MAML2: variants seen among roughly 807,000 people sequenced by gnomAD.
The protein encoded by MAML2 is mastermind-like protein 2.
A neutral mutation model predicts 96.1 loss-of-function variants in MAML2; 22 were observed. The ratio of observed to expected loss-of-function variants is 0.23; its 90% CI spans 0.16 to 0.33. MAML2 has a LOEUF of 0.33. Among genes scored for constraint, MAML2 ranks in the 10% least tolerant of loss-of-function variants. MAML2 has a pLI of 1.00. For missense variants in MAML2, 1,367 were observed against 1,392.4 expected (o/e 0.98, Z 0.29); for synonymous variants, 561 against 521.3 (o/e 1.08, Z -1.04).
chr11:96,103,325 G>T (rs1158978887), intron 1 of MAML2, among the ~76,000 whole-genome samples: 4 of 152,136 alleles, frequency 2.6e-5, no homozygotes, highest in African/African-American at 9.7e-5. Flanking sequence ...AGTGGCCTGG[G>T]AACATCAGAT....
intron 1 of MAML2, among the ~76,000 whole-genome samples, chr11:96,262,287 G>C (rs1175141802): frequency 6.6e-6 from 1 of 151,980 alleles, no homozygotes; most frequent in Non-Finnish European, 1.5e-5. Context: ...GCTGATTTAA[G>C]GTCATTTATA....
chr11:96,159,293 T>C (rs1367880308), intron 1 of MAML2, among the ~76,000 whole-genome samples: 3 of 152,138 alleles, frequency 2.0e-5, no homozygotes, highest in African/African-American at 4.8e-5. Context: ...GTAAGTTCAA[T>C]GCCTTTAAAT....
At chr11:96,219,003 G>A (rs1259160086) in intron 1 of MAML2, among the ~76,000 whole-genome samples, 3 of 152,120 alleles carry the variant, frequency 2.0e-5, no homozygotes, top group Non-Finnish European at 4.4e-5. Flanking sequence ...ATTCCCAAAG[G>A]ACCATTCTTT....
chr11:96,099,204 T>A (rs1859882392), intron 1 of MAML2, among the ~76,000 whole-genome samples: 3 of 152,146 alleles, frequency 2.0e-5, no homozygotes, highest in Admixed American at 2.0e-4. Flanking sequence ...CATGGCTGAT[T>A]AGAGATAGGA....
chr11:96,337,145 CT>C (rs149019611), intron 1 of MAML2, among the ~76,000 whole-genome samples: 2 of 151,070 alleles, frequency 1.3e-5, no homozygotes, highest in East Asian at 1.9e-4. Flanking sequence ...AAGAATTCTC[CT>C]TTTTTTTTAC....
chr11:96,074,514 C>T (rs148552492), intron 2 of MAML2, among the ~76,000 whole-genome samples: 2,072 of 152,284 alleles, frequency 0.014, 26 homozygotes, highest in Non-Finnish European at 0.021. Flanking sequence ...AGATTCTATT[C>T]TTGGAGAGGT....
intron 3 of MAML2, among the ~76,000 whole-genome samples, chr11:95,990,199 T>G (rs1370776260): frequency 6.6e-6 from 1 of 152,218 alleles, no homozygotes; most frequent in Non-Finnish European, 1.5e-5. Flanking sequence ...TTTATACTTT[T>G]TAGTATATTT....
At chr11:96,097,161 T>C (rs968889331) in intron 1 of MAML2, among the ~76,000 whole-genome samples, 5 of 152,318 alleles carry the variant, frequency 3.3e-5, no homozygotes, top group African/African-American at 1.2e-4. Context: ...ATGGTTTGAA[T>C]TATGGTATAG....
intron 1 of MAML2, among the ~76,000 whole-genome samples, chr11:96,295,996 C>T (rs185165182): frequency 4.7e-5 from 7 of 149,916 alleles, no homozygotes; most frequent in Admixed American, 2.7e-4. Context: ...AATGTTTCAG[C>T]AAATAAAACT....
intron 1 of MAML2, among the ~76,000 whole-genome samples, chr11:96,282,023 G>A (rs1863074681): frequency 3.3e-5 from 5 of 152,126 alleles, no homozygotes; most frequent in Admixed American, 3.3e-4. Flanking sequence ...GCCGAGGCAG[G>A]CGGATCACGA....
At chr11:96,005,273 G>A (rs914176916) in intron 2 of MAML2, among the ~76,000 whole-genome samples, 4 of 151,922 alleles carry the variant, frequency 2.6e-5, no homozygotes, top group South Asian at 4.1e-4. Context: ...TTCTTATCAC[G>A]TATACTGACA....
intron 1 of MAML2, among the ~76,000 whole-genome samples, chr11:96,246,310 G>T (rs918200272): frequency 6.6e-6 from 1 of 152,128 alleles, no homozygotes; most frequent in African/African-American, 2.4e-5. Context: ...GGATTCTGAA[G>T]TATAAGGAGG....
intron 2 of MAML2, among the ~76,000 whole-genome samples, chr11:96,015,584 AGG>A (rs796502726): frequency 0.042 from 2,320 of 55,312 alleles, 101 homozygotes; most frequent in African/African-American, 0.12. Context: ...AAAAAAAAAA[AGG>A]GGGGGGGGGC....
chr11:96,209,314 A>G (rs1224442678), intron 1 of MAML2, among the ~76,000 whole-genome samples: 1 of 151,948 alleles, frequency 6.6e-6, no homozygotes, highest in Non-Finnish European at 1.5e-5. Context: ...CTCCATCTTC[A>G]TCTACTTATG....
intron 1 of MAML2, among the ~76,000 whole-genome samples, chr11:96,132,064 T>G (rs537603274): frequency 2.6e-5 from 4 of 152,122 alleles, no homozygotes; most frequent in Non-Finnish European, 5.9e-5. Flanking sequence ...AGGTAAAAAT[T>G]TCCTAGTGGG....
chr11:96,028,476 C>T (rs1858560085), intron 2 of MAML2, among the ~76,000 whole-genome samples: 1 of 152,168 alleles, frequency 6.6e-6, no homozygotes. Flanking sequence ...ACTCATCAGG[C>T]TTTTTTCCCC....
Position 96,341,881 on chromosome 11 carries a change from C to A in MAML2, c.15G>T (p.Ala5=). 3 of 1,531,172 alleles carry A rather than the reference C, an allele frequency of 2.0e-6. No homozygotes were observed. Among genetic ancestry groups the A allele is most frequent in the South Asian group, 1.2e-5 (1 of 83,866 alleles). The allele number at this position is 1,531,172 out of a possible 1,614,324, so 94.8% of individuals were successfully genotyped here. A position where few individuals can be genotyped will look rare whatever the true frequency, so the allele number is the denominator to read the frequency against. ...GCCCTCCTGCGGGGGCCTGCGGGGG[C>A]GCTGTGTCCCCCATCTTACCGGACA... is the stretch of plus-strand genomic sequence containing the variant. The part of the protein sequence containing the change: MGDT[A]PPQAPAGGLG... The change falls in exon 1 of 5, where the codon GCG becomes GCT. Residue 5 remains alanine (A), a synonymous_variant. Transcript: ENST00000524717.
At chr11:96,187,984 G>A (rs967498529) in intron 1 of MAML2, among the ~76,000 whole-genome samples, 2 of 152,196 alleles carry the variant, frequency 1.3e-5, no homozygotes, top group Admixed American at 6.5e-5. Flanking sequence ...TCATGTGGCA[G>A]AGGTATCTTT....
chr11:96,012,674 T>C (rs1199837054), intron 2 of MAML2, among the ~76,000 whole-genome samples: 1 of 152,220 alleles, frequency 6.6e-6, no homozygotes, highest in Non-Finnish European at 1.5e-5. Flanking sequence ...GATTAAACAC[T>C]GTTTTCTAGA....
Sources: gnomAD v4.1 joint callset for allele counts (sites outside exome capture counted in the v4.1 genomes callset) on GRCh38, gnomAD v4.1.1 for gene constraint, MANE v1.5 for transcripts, NCBI Gene and HGNC (gene_info 2026-07-23, HGNC 2026-07-21) for gene names.